The following C14orf132 variants were observed in gnomAD, a reference collection of about 807,000 sequenced individuals.
C14orf132 encodes the protein chromosome 14 open reading frame 132, also known as uncharacterized protein C14orf132.
C14orf132 carries 6 observed loss-of-function variants against 5.8 expected under a neutral mutation model. The ratio of observed to expected loss-of-function variants is 1.03; its 90% confidence interval spans 0.57 to 2.04. The LOEUF (loss-of-function observed/expected upper bound fraction) is 2.04, where lower values mean the gene tolerates loss of function less well. C14orf132 is among the 30% of genes most tolerant of loss of function. The pLI, the probability that C14orf132 is intolerant of heterozygous loss-of-function variation, is 0.00. For synonymous variants in C14orf132, 51 were observed against 49.8 expected (o/e 1.02, Z -0.10); for missense variants, 125 against 115.8 (o/e 1.08, Z -0.37).
chr14:96,093,121 G>A lies in C14orf132; in HGVS notation c.*6386G>A, dbSNP rs1032459294. The A allele has an allele frequency of 4.6e-5, 7 of 152,222 alleles. No individual in the cohort carries two copies. The highest frequency in any genetic ancestry group is 4.6e-4 in the Admixed American group (7 of 15,286). The allele number at this position is 152,222 out of a possible 1,614,324, so 9.4% of individuals were successfully genotyped here. On this transcript the variant is annotated 3_prime_UTR_variant, in exon 2 of 2. Coordinates refer to ENST00000555004, the MANE Select transcript of C14orf132 (RefSeq NM_001252507.3). ...CAGCAGTGATCATGGTCACTGCCCT[G>A]CGTTCAAATAATGCGAGCTGAGGAC...
At chr14:96,058,204 C>T (rs1364218033) in intron 1 of C14orf132, among the ~76,000 whole-genome samples, 1 of 152,182 alleles carries the variant, frequency 6.6e-6, no homozygotes, top group African/African-American at 2.4e-5. Flanking sequence ...TCGTGAGGCA[C>T]ATCCTCCTCA....
At chr14:96,062,645 C>A (rs1420929823) in intron 1 of C14orf132, among the ~76,000 whole-genome samples, 1 of 152,158 alleles carries the variant, frequency 6.6e-6, no homozygotes, top group East Asian at 1.9e-4. Context: ...AGGTTCACAT[C>A]CTCGCAATTC....
intron 1 of C14orf132, among the ~76,000 whole-genome samples, chr14:96,048,377 C>T (rs1886891122): frequency 6.6e-6 from 1 of 152,190 alleles, no homozygotes; most frequent in Admixed American, 6.5e-5. Flanking sequence ...CTAGCAATCA[C>T]TGATCTTTCT....
intron 1 of C14orf132, among the ~76,000 whole-genome samples, chr14:96,043,125 G>C (rs965179201): frequency 6.6e-6 from 1 of 152,130 alleles, no homozygotes; most frequent in African/African-American, 2.4e-5. Context: ...CCTTAAATCT[G>C]GGACTGTCCT....
In C14orf132 at chr14:96,054,013, A is replaced by G. The variant is rs185669424; in HGVS notation, c.27+14486A>G. ...CAGCTCTCTAGGGCCTGGCTGGTGG[A>G]AGGCCTTAATAAATGCCCGCAGTGA... On this transcript the variant is annotated intron_variant, in intron 1 of 1. Coordinates refer to ENST00000555004, the MANE Select transcript of C14orf132 (RefSeq NM_001252507.3). 4.3e-3 allele frequency among the ~76,000 whole-genome samples: 659 copies of G among 151,964 alleles called. 3 individuals are homozygous for G. Among genetic ancestry groups the G allele is most frequent in the Non-Finnish European group, 6.6e-3 (451 of 67,988 alleles).
At chr14:96,065,913 CT>C (rs561935875) in intron 1 of C14orf132, among the ~76,000 whole-genome samples, 41 of 152,232 alleles carry the variant, frequency 2.7e-4, no homozygotes, top group African/African-American at 8.2e-4. Flanking sequence ...TTATGGCAAC[CT>C]TTGCCAGCTC....
chr14:96,077,782 C>A (rs1220638726), intron 1 of C14orf132, among the ~76,000 whole-genome samples: 1 of 152,200 alleles, frequency 6.6e-6, no homozygotes, highest in Non-Finnish European at 1.5e-5. Flanking sequence ...CTTCTATAAG[C>A]AGTGGTTGCA....
chr14:96,043,140 G>A (rs1359133979), intron 1 of C14orf132, among the ~76,000 whole-genome samples: 1 of 152,190 alleles, frequency 6.6e-6, no homozygotes, highest in African/African-American at 2.4e-5. Context: ...TGTCCTTGGT[G>A]AAGAGAAAGT....
chr14:96,084,901 TG>T (rs1166956026), intron 1 of C14orf132, among the ~76,000 whole-genome samples: 1 of 152,166 alleles, frequency 6.6e-6, no homozygotes, highest in African/African-American at 2.4e-5. Flanking sequence ...GACCTGGTAA[TG>T]GTCATCCTTT....
intron 1 of C14orf132, among the ~76,000 whole-genome samples, chr14:96,049,618 AC>A (rs1886961562): frequency 9.0e-6 from 1 of 111,500 alleles, no homozygotes; most frequent in African/African-American, 3.9e-5. Context: ...ATACATATAT[AC>A]GTATATATAT....
At chr14:96,045,863 A>C (rs1224032900) in intron 1 of C14orf132, among the ~76,000 whole-genome samples, 2 of 152,160 alleles carry the variant, frequency 1.3e-5, no homozygotes, top group African/African-American at 4.8e-5. Context: ...GCTTGGCTAG[A>C]CAGTTTGTTT....
At chr14:96,053,825 C>A (rs201311278) in intron 1 of C14orf132, among the ~76,000 whole-genome samples, 1 of 152,186 alleles carries the variant, frequency 6.6e-6, no homozygotes, top group Admixed American at 6.5e-5. Context: ...GTGGTCCCAC[C>A]CACAGTCATG....
intron 1 of C14orf132, among the ~76,000 whole-genome samples, chr14:96,058,134 G>T (rs943012751): frequency 6.6e-6 from 1 of 152,040 alleles, no homozygotes; most frequent in African/African-American, 2.4e-5. Flanking sequence ...GCTCCCACGT[G>T]CTGTGTCTCA....
intron 1 of C14orf132, among the ~76,000 whole-genome samples, chr14:96,081,631 C>T (rs542868754): frequency 2.5e-4 from 38 of 152,280 alleles, no homozygotes; most frequent in African/African-American, 7.5e-4. Flanking sequence ...GACAGGGTCT[C>T]GCTGGCACGC....
intron 1 of C14orf132, among the ~76,000 whole-genome samples, chr14:96,057,975 G>T (rs555873167): frequency 5.8e-4 from 88 of 152,288 alleles, no homozygotes; most frequent in African/African-American, 2.1e-3. Flanking sequence ...CCATGCTAAC[G>T]CCTGCCTTGC....
At chr14:96,059,412 A>G (rs576013936) in intron 1 of C14orf132, among the ~76,000 whole-genome samples, 36 of 152,330 alleles carry the variant, frequency 2.4e-4, no homozygotes, top group African/African-American at 8.7e-4. Context: ...TTGAGCACTC[A>G]TGAAGGGCCA....
chr14:96,063,278 A>C (rs1887418693), intron 1 of C14orf132, among the ~76,000 whole-genome samples: 1 of 152,010 alleles, frequency 6.6e-6, no homozygotes, highest in South Asian at 2.1e-4. Context: ...AGTACTGTCC[A>C]CCCAAGGAAC....
At chr14:96,058,859 G>A (rs1887261969) in intron 1 of C14orf132, among the ~76,000 whole-genome samples, 1 of 152,242 alleles carries the variant, frequency 6.6e-6, no homozygotes, top group African/African-American at 2.4e-5. Context: ...GTAGCCACAG[G>A]TTGCCCAAGG....
At position 96,092,034 on chromosome 14, in the gene C14orf132, G is replaced by A. The variant is rs1316769436; in HGVS notation, c.*5299G>A. 2 of 152,180 alleles carry A rather than the reference G, an allele frequency of 1.3e-5. No individual in the cohort carries two copies. The highest frequency in any genetic ancestry group is 1.9e-4 in the East Asian group (1 of 5,196). 9.4% of individuals were successfully genotyped at this position (152,180 alleles called of 1,614,324 possible). The stretch of plus-strand genomic sequence containing the variant: ...AAGACGATCAAAGACTCCCTGGAGC[G>A]AGAAAACAGTTACTGCCAGAAGCAG... On this transcript the variant is annotated 3_prime_UTR_variant, in exon 2 of 2. Coordinates refer to ENST00000555004, the MANE Select transcript of C14orf132 (RefSeq NM_001252507.3).
Sources: allele counts gnomAD v4.1 joint callset (sites outside exome capture counted in the v4.1 genomes callset), GRCh38; gene constraint gnomAD v4.1.1; transcripts MANE v1.5; gene names NCBI Gene and HGNC (gene_info 2026-07-23, HGNC 2026-07-21).